The following SLC35A3 variants were observed in gnomAD, a reference collection of about 807,000 sequenced individuals.
SLC35A3 encodes solute carrier family 35 member A3, also known as UDP-N-acetylglucosamine transporter.
In SLC35A3, 26 loss-of-function variants were observed where a neutral mutation model predicts 39.0. The ratio of observed to expected loss-of-function variants is 0.67; its 90% CI spans 0.49 to 0.92. SLC35A3 has a LOEUF of 0.92. SLC35A3 is among the 40% of genes least tolerant of loss of function. The probability of loss-of-function intolerance (pLI) is 0.00; values close to 1 mark genes in which losing one functional copy is unlikely to be tolerated. For synonymous variants in SLC35A3, 135 were observed against 133.1 expected, an observed-to-expected ratio of 1.01 and a Z score of -0.10; for missense variants, 299 against 371.6, an observed-to-expected ratio of 0.80 and a Z score of 1.61.
Position 99,993,517 on chromosome 1 carries a change from C to T in SLC35A3, c.-18-20C>T. ...TATGTTGTAATCTTATTTATTTGCC[C>T]TGTTTATTTTGTTTTTCAGGCAAAT... On this transcript the variant is annotated intron_variant, in intron 1 of 7. Coordinates refer to ENST00000533028, the MANE Select transcript of SLC35A3 (RefSeq NM_012243.3). 1.3e-6 allele frequency: 2 copies of T among 1,593,394 alleles called. No individual in the cohort carries two copies. Among genetic ancestry groups the T allele is most frequent in the Non-Finnish European group, 1.7e-6 (2 of 1,163,138 alleles).
chr1:99,985,152 T>C (rs191238220), intron 1 of SLC35A3, among the ~76,000 whole-genome samples: 1 of 152,244 alleles, frequency 6.6e-6, no homozygotes, highest in African/African-American at 2.4e-5. Flanking sequence ...CCTAAGCCAA[T>C]GTCTAGTAGG....
chr1:100,030,469 A>G lies in SLC35A3; in HGVS notation c.*7993A>G, dbSNP rs576076529. 6.6e-6 allele frequency: 1 copy of G among 152,236 alleles called. No individual in the cohort carries two copies. Among genetic ancestry groups the G allele is most frequent in the Non-Finnish European group, 1.5e-5 (1 of 68,038 alleles). The allele number at this position is 152,236 out of a possible 1,614,324, so 9.4% of individuals were successfully genotyped here. A position where few individuals can be genotyped will look rare whatever the true frequency, so the allele number is the denominator to read the frequency against. ...AATTTGTAAACTTTCTTAAAACAGT[A>G]TGAGATTTTTTTGCAATTTTTTAAA... On this transcript the variant is annotated 3_prime_UTR_variant, in exon 8 of 8. Transcript: ENST00000533028.
At position 100,026,923 on chromosome 1, in the gene SLC35A3, T is replaced by A; in HGVS notation, c.*4447T>A. ...CTTGTCATTTTTTGGTATCCAGCTA[T>A]TACCTATTTAATAGATTTATTGAAA... On this transcript the variant is annotated 3_prime_UTR_variant, in exon 8 of 8. Transcript: ENST00000533028. 2.9e-6 allele frequency: 1 copy of A among 346,684 alleles called. No homozygotes were observed. The allele number at this position is 346,684 out of a possible 1,614,324, so 21.5% of individuals were successfully genotyped here.
chr1:99,993,843 A>G (rs1557830453), intron 2 of SLC35A3, 102 bp downstream of exon 2: 1 of 966,722 alleles, frequency 1.0e-6, no homozygotes, highest in Non-Finnish European at 1.5e-6. Context: ...CGAATGGCCT[A>G]GTATGAAGAA....
intron 2 of SLC35A3, 40 bp downstream of exon 2, chr1:99,993,781 A>G (rs1394395500): frequency 6.4e-7 from 1 of 1,563,034 alleles, no homozygotes; most frequent in Admixed American, 1.7e-5. Context: ...AATGCAATTT[A>G]TTTAGTTTGC....
chr1:99,998,886 TAAAC>T (rs781742385), intron 2 of SLC35A3, among the ~76,000 whole-genome samples: 1 of 152,152 alleles, frequency 6.6e-6, no homozygotes, highest in African/African-American at 2.4e-5. Flanking sequence ...TGGCTGATGA[TAAAC>T]AAAATGCACA....
intron 2 of SLC35A3, 85 bp downstream of exon 2, chr1:99,993,826 G>GC (rs1234063911): frequency 1.7e-6 from 2 of 1,211,312 alleles, no homozygotes; most frequent in Non-Finnish European, 2.4e-6. Flanking sequence ...TTGCACTCTT[G>GC]CATTGTCGAA....
At chr1:99,991,996 C>T (rs141966838) in intron 1 of SLC35A3, among the ~76,000 whole-genome samples, 1 of 152,318 alleles carries the variant, frequency 6.6e-6, no homozygotes, top group East Asian at 1.9e-4. Flanking sequence ...ATCTACCTGC[C>T]TCAGCCTCCC....
At chr1:100,007,955 AT>A (rs66589634) in intron 4 of SLC35A3, 339 of 135,982 alleles carry the variant, frequency 2.5e-3, no homozygotes, top group Middle Eastern at 3.6e-3. Flanking sequence ...TAACTTTTTA[AT>A]TTTTTTTTTT....
Position 100,031,406 on chromosome 1 carries a change from T to G in SLC35A3, c.*8930T>G, listed in dbSNP as rs1261995148. 6.6e-6 allele frequency: 1 copy of G among 152,208 alleles called. No homozygotes were observed. Among genetic ancestry groups the G allele is most frequent in the Non-Finnish European group, 1.5e-5 (1 of 68,034 alleles). The allele number at this position is 152,208 out of a possible 1,614,324, so 9.4% of individuals were successfully genotyped here. On this transcript the variant is annotated 3_prime_UTR_variant, in exon 8 of 8. Transcript: ENST00000533028. ...CCTAAAGATATGGACATCTTCTTAA[T>G]TAACCTCAGTGCCATTATGACACCT... is the stretch of plus-strand genomic sequence containing the variant.
chr1:99,987,382 A>G (rs543638538), intron 1 of SLC35A3, among the ~76,000 whole-genome samples: 3 of 152,124 alleles, frequency 2.0e-5, no homozygotes, highest in Non-Finnish European at 2.9e-5. Flanking sequence ...ATATTATTCA[A>G]TTTTTGTCTC....
At chr1:100,017,085 G>A (rs1660187288) in intron 6 of SLC35A3, among the ~76,000 whole-genome samples, 1 of 152,182 alleles carries the variant, frequency 6.6e-6, no homozygotes, top group African/African-American at 2.4e-5. Flanking sequence ...TTGGCAGAAA[G>A]CAAAACTGTG....
At chr1:100,003,170 C>T (rs936852896) in intron 3 of SLC35A3, among the ~76,000 whole-genome samples, 1 of 151,864 alleles carries the variant, frequency 6.6e-6, no homozygotes, top group Non-Finnish European at 1.5e-5. Context: ...AATCCCAGCA[C>T]GTCGGGAGGC....
At chr1:99,995,632 A>G (rs1301767338) in intron 2 of SLC35A3, among the ~76,000 whole-genome samples, 3 of 152,202 alleles carry the variant, frequency 2.0e-5, no homozygotes, top group Non-Finnish European at 4.4e-5. Context: ...GGGGGAAATT[A>G]AAGCTGCTTT....
In SLC35A3 at chr1:100,026,970, T is replaced by C. The variant is rs1310331340; in HGVS notation, c.*4494T>C. 2 of 387,064 alleles carry C rather than the reference T, an allele frequency of 5.2e-6. No homozygotes were observed. Among genetic ancestry groups the C allele is most frequent in the Non-Finnish European group, 9.1e-6 (2 of 219,704 alleles). The allele number at this position is 387,064 out of a possible 1,614,324, so 24.0% of individuals were successfully genotyped here. A position where few individuals can be genotyped will look rare whatever the true frequency, so the allele number is the denominator to read the frequency against. The stretch of plus-strand genomic sequence containing the variant: ...GAAATAGATTATTTTCATAAAGAAC[T>C]CTATACAAATCTTTTTCTATATTTC... On this transcript the variant is annotated 3_prime_UTR_variant, in exon 8 of 8. Coordinates refer to ENST00000533028, the MANE Select transcript of SLC35A3 (RefSeq NM_012243.3).
At chr1:99,981,050 T>A (rs1422301960) in intron 1 of SLC35A3, among the ~76,000 whole-genome samples, 1 of 152,228 alleles carries the variant, frequency 6.6e-6, no homozygotes, top group Non-Finnish European at 1.5e-5. Flanking sequence ...TTATTTGTCA[T>A]TATTTAGCCT....
At chr1:99,970,241 G>A (rs1399578317) in intron 1 of SLC35A3, 79 bp downstream of exon 1, 3 of 247,926 alleles carry the variant, frequency 1.2e-5, no homozygotes, top group Non-Finnish European at 2.3e-5. Flanking sequence ...GCTCCTGGAG[G>A]AGGAGGAAGA....
rs1557838915 is a variant in SLC35A3 at position 100,007,122 on chromosome 1, TA to T, written c.432del (p.Val145Ter). 6.2e-7 allele frequency: 1 copy of T among 1,611,320 alleles called. No individual in the cohort carries two copies. ...TTGGGTGTATACCAGTGGCTGTCCC[TA>T]GTAATTTTGATGACAGGAGTTGCTT... ...KKLGVYQWLS[L>X]VILMTGVAFV... On this transcript the variant is annotated frameshift_variant, in exon 4 of 8. Transcript: ENST00000533028. LOFTEE classifies it high-confidence loss of function.
chr1:99,993,016 C>G (rs1658178976), intron 1 of SLC35A3: 1 of 152,682 alleles, frequency 6.5e-6, no homozygotes, highest in Non-Finnish European at 1.5e-5. Flanking sequence ...CAGTAAAGTT[C>G]TTTCTTGCTG....
Sources: gnomAD v4.1 joint callset for allele counts (sites outside exome capture counted in the v4.1 genomes callset) on GRCh38, gnomAD v4.1.1 for gene constraint, MANE v1.5 for transcripts, NCBI Gene and HGNC (gene_info 2026-07-23, HGNC 2026-07-21) for gene names.